The following FPR2 variants were observed in gnomAD, a reference collection of about 807,000 sequenced individuals.
The protein encoded by FPR2 is formyl peptide receptor 2.
In FPR2, 3 loss-of-function variants were observed where a neutral mutation model predicts 4.0. The observed-to-expected ratio is 0.74, with a 90% CI of 0.34 to 1.92. FPR2 has a LOEUF of 1.92. Ranked by LOEUF, FPR2 falls within the 30% of genes most tolerant of loss-of-function variation. FPR2 has a pLI of 0.07. For missense variants in FPR2, 372 were observed against 435.7 expected (o/e 0.85, Z 1.30); for synonymous variants, 179 against 171.5 (o/e 1.04, Z -0.34).
At chr19:51,764,867 C>T (rs1401217734) in intron 1 of FPR2, among the ~76,000 whole-genome samples, 1 of 152,248 alleles carries the variant, frequency 6.6e-6, no homozygotes, top group South Asian at 2.1e-4. Context: ...CGCTCTTTCA[C>T]CCAGGCTGGA....
intron 1 of FPR2, among the ~76,000 whole-genome samples, chr19:51,768,010 G>A (rs1244067026): frequency 1.3e-5 from 2 of 151,998 alleles, no homozygotes; most frequent in African/African-American, 4.8e-5. Context: ...AAAAGCAGAG[G>A]GTAGAAAGCA....
chr19:51,765,046 C>G (rs2083861110), intron 1 of FPR2, among the ~76,000 whole-genome samples: 1 of 152,198 alleles, frequency 6.6e-6, no homozygotes, highest in Non-Finnish European at 1.5e-5. Context: ...AGGCTGGTTT[C>G]AAATTCCTGG....
At chr19:51,768,008 A>G (rs55728474) in intron 1 of FPR2, among the ~76,000 whole-genome samples, 12,040 of 152,138 alleles carry the variant, frequency 0.079, 586 homozygotes, top group South Asian at 0.17. Context: ...GGAAAAGCAG[A>G]GGGTAGAAAG....
chr19:51,769,333 A>G lies in FPR2; in HGVS notation c.675A>G (p.Ala225=). Residue 225 remains alanine, a synonymous_variant, in exon 2 of 2, where the codon GCA becomes GCG. Coordinates refer to ENST00000340023, the MANE Select transcript of FPR2 (RefSeq NM_001005738.2). This position sits in a 1 kb window ranked among gnomAD's most constrained non-coding sequence, Gnocchi z 4.4. ...TTGCCATCTGCTATGGGCTCATTGCAGCCAAGATCCACAAAAAGGGCATGA... is the reference window on the plus strand; with the variant it reads ...TTGCCATCTGCTATGGGCTCATTGCGGCCAAGATCCACAAAAAGGGCATGA... The part of the protein sequence containing the change: ...SIVAICYGLI[A]AKIHKKGMIK... 1 of 1,614,166 alleles carries G rather than the reference A, an allele frequency of 6.2e-7. No homozygotes were observed. The highest frequency in any genetic ancestry group is 8.5e-7 in the Non-Finnish European group (1 of 1,180,028).
chr19:51,767,804 T>C (rs55678043), intron 1 of FPR2, among the ~76,000 whole-genome samples: 12,059 of 152,208 alleles, frequency 0.079, 589 homozygotes, highest in South Asian at 0.17. Flanking sequence ...GAATATTACA[T>C]AGCTATTACA....
Position 51,770,145 on chromosome 19 carries a change from T to C in FPR2, c.*431T>C, listed in dbSNP as rs2083893039. On this transcript the variant is annotated 3_prime_UTR_variant, in exon 2 of 2. Transcript: ENST00000340023. ...TTTTCTGTTTCTTTTTCTTACATCA[T>C]GAGTGGACTTTGCATTTTATCAAAT... 1 of 174,254 alleles carries C rather than the reference T, an allele frequency of 5.7e-6. No homozygotes were observed. 10.8% of individuals were successfully genotyped at this position (174,254 alleles called of 1,614,324 possible).
chr19:51,762,260 G>A (rs534443440), intron 1 of FPR2, among the ~76,000 whole-genome samples: 74 of 148,794 alleles, frequency 5.0e-4, no homozygotes, highest in Non-Finnish European at 9.4e-4. Flanking sequence ...TAATTTTTGT[G>A]TTTTTTTAGT....
intron 1 of FPR2, among the ~76,000 whole-genome samples, chr19:51,767,621 A>G (rs1424390586): frequency 4.6e-5 from 7 of 152,108 alleles, no homozygotes; most frequent in Non-Finnish European, 1.0e-4. Context: ...GCAGAGAAGA[A>G]TGGGGAACCG....
intron 1 of FPR2, among the ~76,000 whole-genome samples, chr19:51,767,666 G>A (rs899413506): frequency 1.1e-4 from 16 of 152,216 alleles, no homozygotes; most frequent in Admixed American, 5.2e-4. Flanking sequence ...TCTGTCAAGC[G>A]TAAGGGTTTA....
chr19:51,765,295 A>T (rs2083862319), intron 1 of FPR2, among the ~76,000 whole-genome samples: 1 of 152,208 alleles, frequency 6.6e-6, no homozygotes, highest in South Asian at 2.1e-4. Context: ...CTGAGCTCCA[A>T]TTCTGTCTCT....
chr19:51,770,270 G>A lies in FPR2; in HGVS notation c.*556G>A, dbSNP rs2083893533. On this transcript the variant is annotated 3_prime_UTR_variant, in exon 2 of 2. Transcript: ENST00000340023. ...AAGTTCTGAATGTTAAACTACTCTTGAATTCCTGGAATAAACCACACTTAG... is the reference window on the plus strand; with the variant it reads ...AAGTTCTGAATGTTAAACTACTCTTAAATTCCTGGAATAAACCACACTTAG... 6.0e-6 allele frequency: 1 copy of A among 167,466 alleles called. No homozygotes were observed. The highest frequency in any genetic ancestry group is 1.5e-5 in the Non-Finnish European group (1 of 68,478). The allele number at this position is 167,466 out of a possible 1,614,324, so 10.4% of individuals were successfully genotyped here.
chr19:51,762,726 T>G (rs968310253), intron 1 of FPR2: 3 of 152,250 alleles, frequency 2.0e-5, no homozygotes, highest in African/African-American at 7.2e-5. Context: ...TTTGGTTTCC[T>G]TCTGGAGATT....
At chr19:51,765,780 C>T (rs770337695) in intron 1 of FPR2, among the ~76,000 whole-genome samples, 11 of 152,204 alleles carry the variant, frequency 7.2e-5, no homozygotes, top group South Asian at 4.1e-4. Context: ...ACTTAATCCT[C>T]ACCTGAAAGT....
intron 1 of FPR2, among the ~76,000 whole-genome samples, chr19:51,765,227 T>C (rs1056550304): frequency 6.6e-6 from 1 of 152,192 alleles, no homozygotes; most frequent in Non-Finnish European, 1.5e-5. Context: ...TCTGAGTCTG[T>C]TGAGGAACTA....
chr19:51,767,962 CCAAA>C (rs1292393402), intron 1 of FPR2, among the ~76,000 whole-genome samples: 7 of 152,100 alleles, frequency 4.6e-5, no homozygotes, highest in Non-Finnish European at 1.0e-4. Flanking sequence ...TATTTGCATT[CCAAA>C]CAGAGAAGAG....
intron 1 of FPR2, among the ~76,000 whole-genome samples, chr19:51,768,119 A>T (rs1263684541): frequency 6.6e-6 from 1 of 152,190 alleles, no homozygotes. Context: ...TCTCTTCAAC[A>T]ATAACCTCAA....
chr19:51,769,425 C>T lies in FPR2; in HGVS notation c.767C>T (p.Pro256Leu), dbSNP rs1445012916. Reference protein sequence around the residue: ...VVASFFICWFPFQLVALLGTV... With the variant: ...VVASFFICWFLFQLVALLGTV... The stretch of plus-strand genomic sequence containing the variant: ...GCTTCTTTCTTCATCTGTTGGTTTC[C>T]CTTTCAACTGGTTGCCCTTCTGGGC... The change falls in exon 2 of 2, where the codon CCC (proline) becomes CTC (leucine). Residue 256 changes from proline (P) to leucine (L), a missense_variant. By Grantham distance (98) the Pro-to-Leu change is moderately conservative. Transcript: ENST00000340023. This position sits in a 1 kb window ranked among gnomAD's most constrained non-coding sequence, Gnocchi z 4.4. 1.2e-6 allele frequency: 2 copies of T among 1,614,162 alleles called. No homozygotes were observed. Among genetic ancestry groups the T allele is most frequent in the East Asian group, 2.2e-5 (1 of 44,866 alleles).
intron 1 of FPR2, among the ~76,000 whole-genome samples, chr19:51,764,582 C>T (rs2083858946): frequency 6.6e-6 from 1 of 152,102 alleles, no homozygotes; most frequent in Admixed American, 6.5e-5. Context: ...TACTTTCCTA[C>T]CTGTTACACA....
intron 1 of FPR2, among the ~76,000 whole-genome samples, chr19:51,768,065 A>G (rs1290336219): frequency 1.3e-5 from 2 of 152,118 alleles, no homozygotes; most frequent in African/African-American, 2.4e-5. Context: ...CAGAATCCTC[A>G]GGATATAACA....
Sources: allele counts gnomAD v4.1 joint callset (sites outside exome capture counted in the v4.1 genomes callset), GRCh38; gene constraint gnomAD v4.1.1; non-coding constraint Gnocchi (gnomAD v3.1); transcripts MANE v1.5; gene names NCBI Gene and HGNC (gene_info 2026-07-23, HGNC 2026-07-21).